Variants in SORL1 observed in about 807,000 individuals in gnomAD.
SORL1 encodes the protein sortilin-related receptor.
SORL1 carries 127 observed loss-of-function variants against 273.7 expected under a neutral mutation model. The observed-to-expected ratio is 0.46, with a 90% CI of 0.40 to 0.54. SORL1 has a LOEUF of 0.54. SORL1 is among the 20% of genes least tolerant of loss of function. The pLI is 0.00. For missense variants in SORL1, 2,494 were observed against 2,846.1 expected (o/e 0.88, Z 2.81); for synonymous variants, 1,031 against 1,067.4 (o/e 0.97, Z 0.66).
chr11:121,456,203 T>C (rs890113073), intron 1 of SORL1, among the ~76,000 whole-genome samples: 1 of 152,214 alleles, frequency 6.6e-6, no homozygotes, highest in East Asian at 1.9e-4. Context: ...TATTCCATTC[T>C]TTAACATCCA....
intron 3 of SORL1, 37 bp from the exon 4 acceptor site, chr11:121,487,995 C>G (rs1217411454): frequency 6.2e-7 from 1 of 1,609,110 alleles, no homozygotes. Context: ...CAGCTCTGGA[C>G]AGGGCCTGCT....
At position 121,522,996 on chromosome 11, in the gene SORL1, C is replaced by T; in HGVS notation, c.1596+7C>T. On this transcript the variant is annotated splice_region_variant and intron_variant, in intron 11 of 47. Coordinates refer to ENST00000260197, the MANE Select transcript of SORL1 (RefSeq NM_003105.6). ...TGGAGCCAGGTGGCGAGAGGTCAGC[C>T]CCCTCCCCCAATCCCGTCCCCTCCA... The T allele has an allele frequency of 6.3e-7, 1 of 1,598,352 alleles. No homozygotes were observed.
At chr11:121,616,509 C>T (rs1344435537) in intron 41 of SORL1, among the ~76,000 whole-genome samples, 4 of 152,204 alleles carry the variant, frequency 2.6e-5, no homozygotes, top group Non-Finnish European at 4.4e-5. Flanking sequence ...CCATCCCTGG[C>T]GGTCACCAGC....
intron 2 of SORL1, among the ~76,000 whole-genome samples, chr11:121,474,282 T>A (rs1410272689): frequency 6.6e-6 from 1 of 152,072 alleles, no homozygotes; most frequent in Non-Finnish European, 1.5e-5. Context: ...CCATCCGGAC[T>A]TCTTGAATCA....
chr11:121,587,915 T>TC (rs1362380390), intron 27 of SORL1, 105 bp from the exon 28 acceptor site: 9 of 1,386,904 alleles, frequency 6.5e-6, no homozygotes, highest in African/African-American at 2.9e-5. Flanking sequence ...GCTTTTACTG[T>TC]TGCTTCCTGA....
chr11:121,570,141 G>A lies in SORL1; in HGVS notation c.3224-16G>A, dbSNP rs370136870. ...TATTGGTTTCATTTCCTCCCCTGCC[G>A]CACTCTGATGGGTAGAGAACACCTG... On this transcript the variant is annotated splice_polypyrimidine_tract_variant and intron_variant, in intron 22 of 47. Coordinates refer to ENST00000260197, the MANE Select transcript of SORL1 (RefSeq NM_003105.6). The A allele has an allele frequency of 8.0e-5, 125 of 1,563,388 alleles. 1 individual carries two copies. The Middle Eastern group carries it at 2.2e-3, about 27-fold the overall frequency.
chr11:121,506,972 G>C (rs1026756007), intron 6 of SORL1, among the ~76,000 whole-genome samples: 1 of 151,860 alleles, frequency 6.6e-6, no homozygotes, highest in Admixed American at 6.6e-5. Context: ...TTTTTCCCAG[G>C]TGTTTTCTTA....
rs527617199 is a variant in SORL1, at chr11:121,577,296, G to T, written c.3476G>T (p.Arg1159Leu). 4.4e-6 allele frequency: 7 copies of T among 1,607,070 alleles called. No individual in the cohort carries two copies. The South Asian group carries it at 6.7e-5, about 15-fold the overall frequency. Residue 1159 changes from arginine to leucine, a missense_variant, in exon 25 of 48, where the codon CGG becomes CTG. Coordinates refer to ENST00000260197, the MANE Select transcript of SORL1 (RefSeq NM_003105.6). Reference sequence around the variant, plus strand: ...TCACCTGCAGAAATGCACCAGTGCCGGAGTGACGAGTACAACTGCAGTTCC... The same window carrying T: ...TCACCTGCAGAAATGCACCAGTGCCTGAGTGACGAGTACAACTGCAGTTCC... ...DESHCEMHQC[R>L]SDEYNCSSGM...
intron 12 of SORL1, among the ~76,000 whole-genome samples, chr11:121,533,127 G>A (rs1862225311): frequency 6.6e-6 from 1 of 151,998 alleles, no homozygotes; most frequent in South Asian, 2.1e-4. Flanking sequence ...TTTGCTTTGT[G>A]TCTTTATTAC....
chr11:121,530,100 C>T (rs2134868460), intron 11 of SORL1, among the ~76,000 whole-genome samples: 1 of 152,274 alleles, frequency 6.6e-6, no homozygotes, highest in East Asian at 1.9e-4. Context: ...TTTCTCCTCC[C>T]CCACCTATAT....
At chr11:121,570,670 A>G (rs912790126) in intron 23 of SORL1, among the ~76,000 whole-genome samples, 50 of 152,132 alleles carry the variant, frequency 3.3e-4, no homozygotes, top group African/African-American at 1.1e-3. Flanking sequence ...CTTTTTAGGG[A>G]TGGGAAATGA....
Position 121,452,729 on chromosome 11 carries a change from C to A in SORL1, c.285+113C>A, listed in dbSNP as rs1000429006. ...TAGGTGCAGGCACCACTGGGGACTTCCCGGCTTGCATTTGTTTTTTTCCTT... is the reference window on the plus strand; with the variant it reads ...TAGGTGCAGGCACCACTGGGGACTTACCGGCTTGCATTTGTTTTTTTCCTT... On this transcript the variant is annotated intron_variant, in intron 1 of 47. Coordinates refer to ENST00000260197, the MANE Select transcript of SORL1 (RefSeq NM_003105.6). The surrounding 1 kb of genome is among the most constrained non-coding windows in gnomAD (Gnocchi z 5.3). 6 of 947,538 alleles carry A rather than the reference C, an allele frequency of 6.3e-6. No individual in the cohort carries two copies. Among genetic ancestry groups the A allele is most frequent in the Non-Finnish European group, 5.8e-6 (4 of 690,508 alleles). The allele number at this position is 947,538 out of a possible 1,614,324, so 58.7% of individuals were successfully genotyped here. A position where few individuals can be genotyped will look rare whatever the true frequency, so the allele number is the denominator to read the frequency against.
At chr11:121,525,513 C>T (rs990732350) in intron 11 of SORL1, among the ~76,000 whole-genome samples, 2 of 152,146 alleles carry the variant, frequency 1.3e-5, no homozygotes, top group Non-Finnish European at 2.9e-5. Context: ...TAAAGAACTG[C>T]CAAATTATTG....
intron 9 of SORL1, among the ~76,000 whole-genome samples, chr11:121,521,845 G>A (rs1862045161): frequency 6.6e-6 from 1 of 152,172 alleles, no homozygotes; most frequent in Non-Finnish European, 1.5e-5. Flanking sequence ...AACCACATAA[G>A]CACATAGTCC....
At chr11:121,623,120 TA>T (rs1863746799) in intron 45 of SORL1, among the ~76,000 whole-genome samples, 1 of 152,194 alleles carries the variant, frequency 6.6e-6, no homozygotes, top group Non-Finnish European at 1.5e-5. Flanking sequence ...AGCTTTCAAG[TA>T]AGTTCAAAAT....
chr11:121,502,041 C>G (rs692958), intron 6 of SORL1, among the ~76,000 whole-genome samples: 4 of 148,658 alleles, frequency 2.7e-5, no homozygotes, highest in African/African-American at 9.9e-5. Context: ...TGTGAATGTT[C>G]GTGTGCACGT....
intron 42 of SORL1, 129 bp downstream of exon 42, chr11:121,619,022 CTCT>C: frequency 1.1e-6 from 1 of 915,280 alleles, no homozygotes; most frequent in East Asian, 2.5e-5. Context: ...AGGCAACTTC[CTCT>C]TCTTCATAAG....
At chr11:121,514,785 G>A (rs1325116026) in intron 8 of SORL1, among the ~76,000 whole-genome samples, 7 of 152,158 alleles carry the variant, frequency 4.6e-5, no homozygotes, top group African/African-American at 9.7e-5. Context: ...AGGCACCAAC[G>A]TCATTGATCC....
intron 21 of SORL1, among the ~76,000 whole-genome samples, chr11:121,565,486 G>A (rs931456199): frequency 5.9e-5 from 9 of 152,186 alleles, no homozygotes; most frequent in African/African-American, 1.9e-4. Context: ...CTAACCTGTA[G>A]GCCAGGATAG....
Sources: allele counts gnomAD v4.1 joint callset (sites outside exome capture counted in the v4.1 genomes callset), GRCh38; gene constraint gnomAD v4.1.1; non-coding constraint Gnocchi (gnomAD v3.1); transcripts MANE v1.5; gene names NCBI Gene and HGNC (gene_info 2026-07-23, HGNC 2026-07-21).